The following METTL16 variants were observed in gnomAD, a reference collection of about 807,000 sequenced individuals.
The protein encoded by METTL16 is RNA N(6)-adenosine-methyltransferase METTL16.
In METTL16, 19 loss-of-function variants were observed where a neutral mutation model predicts 57.9. That is an observed-to-expected ratio of 0.33 (90% CI 0.23 to 0.48). METTL16 has a LOEUF of 0.48. METTL16 is among the 20% of genes least tolerant of loss of function. The probability of loss-of-function intolerance (pLI) is 0.99; values close to 1 mark genes in which losing one functional copy is unlikely to be tolerated. For synonymous variants in METTL16, 246 were observed against 255.6 expected, an observed-to-expected ratio of 0.96 and a Z score of 0.36; for missense variants, 434 against 691.5, an observed-to-expected ratio of 0.63 and a Z score of 4.18.
In METTL16 at chr17:2,419,548, G is replaced by A. The variant is rs945073555; in HGVS notation, c.*422C>T. On this transcript the variant is annotated 3_prime_UTR_variant, in exon 10 of 10. Transcript: ENST00000263092. The stretch of plus-strand genomic sequence containing the variant: ...CTAGAACAGGGTACCAGGGCCTCCA[G>A]CTGGAGGCAGAGAGAGCCACCCCTC... 1 of 455,050 alleles carries A rather than the reference G, an allele frequency of 2.2e-6. No individual in the cohort carries two copies. The highest frequency in any genetic ancestry group is 2.4e-5 in the Admixed American group (1 of 42,274). The allele number at this position is 455,050 out of a possible 1,614,324, so 28.2% of individuals were successfully genotyped here. A position where few individuals can be genotyped will look rare whatever the true frequency, so the allele number is the denominator to read the frequency against.
At chr17:2,485,182 C>A (rs2067332413) in intron 2 of METTL16, among the ~76,000 whole-genome samples, 1 of 152,184 alleles carries the variant, frequency 6.6e-6, no homozygotes, top group African/African-American at 2.4e-5. Flanking sequence ...CGTGAACCCT[C>A]CTGGGAACGC....
intron 6 of METTL16, among the ~76,000 whole-genome samples, chr17:2,452,481 A>C (rs972736807): frequency 6.6e-6 from 1 of 152,190 alleles, no homozygotes; most frequent in African/African-American, 2.4e-5. Flanking sequence ...TGTGACAACT[A>C]ATCAAAATGC....
chr17:2,433,154 G>A (rs1306625106), intron 8 of METTL16, among the ~76,000 whole-genome samples: 3 of 152,218 alleles, frequency 2.0e-5, no homozygotes, highest in Non-Finnish European at 1.5e-5. Flanking sequence ...GAATGCTTAT[G>A]GGAGCTCTAT....
At chr17:2,431,477 T>C (rs564670916) in intron 8 of METTL16, among the ~76,000 whole-genome samples, 4 of 152,340 alleles carry the variant, frequency 2.6e-5, no homozygotes, top group Admixed American at 2.0e-4. Flanking sequence ...ACATTTCTTT[T>C]GGATATAAAC....
At chr17:2,477,966 C>A (rs1308743218) in intron 2 of METTL16, 81 bp from the exon 3 acceptor site, 6 of 1,204,370 alleles carry the variant, frequency 5.0e-6, no homozygotes, top group Non-Finnish European at 7.2e-6. Context: ...CAGGCAGAAC[C>A]AAATACCCAT....
intron 3 of METTL16, 94 bp downstream of exon 3, chr17:2,477,589 TACA>T (rs2067277100): frequency 5.5e-6 from 5 of 900,902 alleles, no homozygotes; most frequent in Non-Finnish European, 8.8e-6. Context: ...GCTTCTTTTG[TACA>T]ACAACAAATA....
rs73976532 is a variant in METTL16 at position 2,442,305 on chromosome 17, G to C, written c.729-746C>G. Among the ~76,000 whole-genome samples the C allele has an allele frequency of 6.8e-3, 1,034 of 152,264 alleles. 11 individuals carry two copies. Among genetic ancestry groups the C allele is most frequent in the African/African-American group, 0.023 (976 of 41,548 alleles). ...CTACAGTCCCAGAAACAAATGAGGT[G>C]AGCCTGCATTTGCTAGAGCTTTCCT... On this transcript the variant is annotated intron_variant, in intron 6 of 9. Transcript: ENST00000263092.
At chr17:2,506,974 C>T (rs1210788317) in intron 1 of METTL16, among the ~76,000 whole-genome samples, 4 of 150,820 alleles carry the variant, frequency 2.7e-5, no homozygotes, top group Non-Finnish European at 4.4e-5. Context: ...GCCTGGCAAC[C>T]GCCCCGTCGG....
chr17:2,491,703 G>A (rs1010513236), intron 2 of METTL16, among the ~76,000 whole-genome samples: 80 of 151,046 alleles, frequency 5.3e-4, no homozygotes, highest in Admixed American at 1.2e-3. Context: ...GTGAAACCCC[G>A]TCTCTATTAA....
chr17:2,492,140 G>A (rs1219783520), intron 2 of METTL16, among the ~76,000 whole-genome samples: 2 of 151,810 alleles, frequency 1.3e-5, no homozygotes, highest in African/African-American at 2.4e-5. Flanking sequence ...GAACCTGGGA[G>A]GCGGAGCTTG....
intron 2 of METTL16, among the ~76,000 whole-genome samples, chr17:2,494,083 T>C (rs1196633238): frequency 6.6e-6 from 1 of 152,220 alleles, no homozygotes; most frequent in Non-Finnish European, 1.5e-5. Context: ...TCTCGCTCTG[T>C]TGCCCTGGCT....
At chr17:2,484,305 T>C (rs2067326394) in intron 2 of METTL16, among the ~76,000 whole-genome samples, 1 of 152,166 alleles carries the variant, frequency 6.6e-6, no homozygotes, top group Non-Finnish European at 1.5e-5. Flanking sequence ...TGTGCCAGAA[T>C]GTAAACAACA....
At chr17:2,477,216 T>C (rs1475450080) in intron 3 of METTL16, among the ~76,000 whole-genome samples, 1 of 152,046 alleles carries the variant, frequency 6.6e-6, no homozygotes, top group Non-Finnish European at 1.5e-5. Context: ...TGAAAAGCTA[T>C]ATAAATAAGA....
intron 4 of METTL16, among the ~76,000 whole-genome samples, chr17:2,470,520 A>T: frequency 6.6e-6 from 1 of 152,128 alleles, no homozygotes. Context: ...GTTAAAAATA[A>T]ATTTTAGGTT....
chr17:2,428,757 A>C (rs1032651722), intron 8 of METTL16, among the ~76,000 whole-genome samples: 1 of 150,922 alleles, frequency 6.6e-6, no homozygotes, highest in Non-Finnish European at 1.5e-5. Context: ...AAAAAAAAGT[A>C]ATCCATGACT....
chr17:2,492,518 C>A (rs1038441311), intron 2 of METTL16, among the ~76,000 whole-genome samples: 2 of 152,086 alleles, frequency 1.3e-5, no homozygotes, highest in Non-Finnish European at 2.9e-5. Flanking sequence ...CAACTGCTAA[C>A]CTTCATGAGG....
At chr17:2,493,909 A>G (rs1233088641) in intron 2 of METTL16, among the ~76,000 whole-genome samples, 1 of 152,126 alleles carries the variant, frequency 6.6e-6, no homozygotes, top group African/African-American at 2.4e-5. Context: ...AAATAGGCTC[A>G]CATTGCTCTC....
chr17:2,485,413 G>A lies in METTL16; in HGVS notation c.129-7528C>T, dbSNP rs542832313. 2.1e-3 allele frequency among the ~76,000 whole-genome samples: 316 copies of A among 152,112 alleles called. 3 individuals carry two copies. The highest frequency in any genetic ancestry group is 6.9e-3 in the African/African-American group (288 of 41,504). On this transcript the variant is annotated intron_variant, in intron 2 of 9. Transcript: ENST00000263092. ...AAATGTAATGCGCTTGAATCATCCCGAAATCACCCCTCCCCCACCACAGGT... is the reference window on the plus strand; with the variant it reads ...AAATGTAATGCGCTTGAATCATCCCAAAATCACCCCTCCCCCACCACAGGT...
At chr17:2,453,716 A>T (rs2067088271) in intron 6 of METTL16, among the ~76,000 whole-genome samples, 1 of 152,174 alleles carries the variant, frequency 6.6e-6, no homozygotes, top group Non-Finnish European at 1.5e-5. Context: ...CCACGAATCA[A>T]TTATTACTAT....
Sources: allele counts gnomAD v4.1 joint callset (sites outside exome capture counted in the v4.1 genomes callset), GRCh38; gene constraint gnomAD v4.1.1; transcripts MANE v1.5; gene names NCBI Gene and HGNC (gene_info 2026-07-23, HGNC 2026-07-21).